GRIA1: variants seen among roughly 807,000 people sequenced by gnomAD.
GRIA1 encodes the protein glutamate ionotropic receptor AMPA type subunit 1.
In GRIA1, 31 loss-of-function variants were observed where a neutral mutation model predicts 99.2. The observed-to-expected ratio is 0.31, with a 90% confidence interval of 0.23 to 0.42. The LOEUF (loss-of-function observed/expected upper bound fraction) is 0.42. GRIA1 is among the 10% of genes least tolerant of loss of function. GRIA1 has a pLI of 1.00. For missense variants in GRIA1, 782 were observed against 1,157.5 expected, an observed-to-expected ratio of 0.68 and a Z score of 4.71; for synonymous variants, 438 against 432.4, an observed-to-expected ratio of 1.01 and a Z score of -0.16.
intron 2 of GRIA1, among the ~76,000 whole-genome samples, chr5:153,499,194 A>G (rs1754724604): frequency 6.6e-6 from 1 of 152,168 alleles, no homozygotes; most frequent in Non-Finnish European, 1.5e-5. Context: ...TCCCCATTTC[A>G]TTGATGATGG....
rs1753844086 is a variant in GRIA1, at chr5:153,490,828, G to T, written c.-61G>T. ...ACAGCGAGAAGAATAAAGGGAAAGGGGGGGAAACACCAAATCTATGATTGG... is the reference window on the plus strand; with the variant it reads ...ACAGCGAGAAGAATAAAGGGAAAGGTGGGGAAACACCAAATCTATGATTGG... On this transcript the variant is annotated 5_prime_UTR_variant, in exon 1 of 16. Coordinates refer to ENST00000285900, the MANE Select transcript of GRIA1 (RefSeq NM_000827.4). 1.2e-5 allele frequency: 14 copies of T among 1,191,560 alleles called. No homozygotes were observed. Among genetic ancestry groups the T allele is most frequent in the Non-Finnish European group, 1.8e-5 (14 of 794,114 alleles). The allele number at this position is 1,191,560 out of a possible 1,614,324, so 73.8% of individuals were successfully genotyped here.
At position 153,698,090 on chromosome 5, in the gene GRIA1, A is replaced by G. The variant is rs771075128; in HGVS notation, c.1181A>G (p.Asp394Gly). ...GATAAGTTTGTCCCTGCAGCCACCGATGCCCAAGCTGGGGGCGATAATTCA... is the reference window on the plus strand; with the variant it reads ...GATAAGTTTGTCCCTGCAGCCACCGGTGCCCAAGCTGGGGGCGATAATTCA... ...EDDKFVPAAT[D>G]AQAGGDNSSV... is the part of the protein sequence containing the mutation. Residue 394 changes from aspartate to glycine, a missense_variant, in exon 9 of 16, where the codon GAT becomes GGT. Transcript: ENST00000285900. 6.2e-7 allele frequency: 1 copy of G among 1,612,162 alleles called. No homozygotes were observed. The highest frequency in any genetic ancestry group is 8.5e-7 in the Non-Finnish European group (1 of 1,178,224).
intron 7 of GRIA1, among the ~76,000 whole-genome samples, chr5:153,682,143 A>C (rs140929627): frequency 1.3e-3 from 201 of 152,210 alleles, no homozygotes; most frequent in African/African-American, 4.2e-3. Flanking sequence ...AGGAAAGTGA[A>C]GCTTAGGAGG....
chr5:153,494,336 C>G, intron 2 of GRIA1: 1 of 410,226 alleles, frequency 2.4e-6, no homozygotes, highest in Non-Finnish European at 4.4e-6. Flanking sequence ...TGCATCTTCC[C>G]TACCTTGCAG....
chr5:153,775,481 G>T (rs548843388), intron 13 of GRIA1, among the ~76,000 whole-genome samples: 1 of 152,336 alleles, frequency 6.6e-6, no homozygotes, highest in South Asian at 2.1e-4. Context: ...TATGGGCCAA[G>T]GGGGCAGGAG....
chr5:153,624,000 T>C (rs1180198277), intron 2 of GRIA1, among the ~76,000 whole-genome samples: 1 of 152,192 alleles, frequency 6.6e-6, no homozygotes, highest in African/African-American at 2.4e-5. Flanking sequence ...TAACTGCTCC[T>C]ATGACTCAAA....
At position 153,782,797 on chromosome 5, in the gene GRIA1, G is replaced by T. The variant is rs546585677; in HGVS notation, c.2271-11824G>T. On this transcript the variant is annotated intron_variant, in intron 13 of 15. Coordinates refer to ENST00000285900, the MANE Select transcript of GRIA1 (RefSeq NM_000827.4). ...GGAAGACGGGGAGGAAGGTATTTCA[G>T]GAAAAGCCACCGCAAGCATACCATA... Among the ~76,000 whole-genome samples, 10 of 152,230 alleles carry T rather than the reference G, an allele frequency of 6.6e-5. No homozygotes were observed. In the South Asian group the frequency reaches 1.2e-3, roughly 19 times the overall value.
chr5:153,796,230 G>C (rs1301411050), intron 14 of GRIA1, among the ~76,000 whole-genome samples: 1 of 152,042 alleles, frequency 6.6e-6, no homozygotes, highest in Non-Finnish European at 1.5e-5. Flanking sequence ...CCAGGCTTTA[G>C]AGTTGAAAGA....
intron 2 of GRIA1, among the ~76,000 whole-genome samples, chr5:153,591,717 T>C (rs1484900648): frequency 1.3e-5 from 2 of 152,182 alleles, no homozygotes; most frequent in East Asian, 1.9e-4. Context: ...CATACTGTTA[T>C]TTAAGAAGCA....
intron 12 of GRIA1, among the ~76,000 whole-genome samples, chr5:153,766,695 G>C (rs937816769): frequency 1.3e-5 from 2 of 152,158 alleles, no homozygotes; most frequent in African/African-American, 4.8e-5. Flanking sequence ...TTTTTAAAAA[G>C]ATCACTCAGG....
chr5:153,733,935 A>G (rs1761211214), intron 11 of GRIA1, among the ~76,000 whole-genome samples: 1 of 152,194 alleles, frequency 6.6e-6, no homozygotes, highest in Admixed American at 6.5e-5. Context: ...CCCACTTTCA[A>G]CAATGGATAA....
At chr5:153,603,423 C>G (rs1217706245) in intron 2 of GRIA1, among the ~76,000 whole-genome samples, 1 of 151,952 alleles carries the variant, frequency 6.6e-6, no homozygotes, top group Non-Finnish European at 1.5e-5. Flanking sequence ...ATTTATAGCC[C>G]TTTGGCTATA....
In GRIA1 at chr5:153,748,857, A is replaced by C. The variant is rs866695214; in HGVS notation, c.1824-15577A>C. Among the ~76,000 whole-genome samples, 23 of 152,308 alleles carry C rather than the reference A, an allele frequency of 1.5e-4. 1 individual carries two copies. In the South Asian group the frequency reaches 4.8e-3, roughly 32 times the overall value. On this transcript the variant is annotated intron_variant, in intron 11 of 15. Transcript: ENST00000285900. ...GGGTTCATTGAGAATTTTGAATTGG[A>C]TACTTCAGGTCTAAGGTACCAAGTA... is the stretch of plus-strand genomic sequence containing the variant.
chr5:153,517,710 C>CA (rs972657862), intron 2 of GRIA1, among the ~76,000 whole-genome samples: 5 of 151,668 alleles, frequency 3.3e-5, no homozygotes, highest in East Asian at 1.9e-4. Context: ...ACACTTTTTT[C>CA]AAAAAAAATC....
intron 2 of GRIA1, chr5:153,525,223 C>T (rs565857540): frequency 7.9e-5 from 12 of 152,308 alleles, no homozygotes; most frequent in African/African-American, 2.9e-4. Context: ...TGCCCCTTTC[C>T]CTTCCTGGGG....
chr5:153,738,769 C>A (rs1761569393), intron 11 of GRIA1, among the ~76,000 whole-genome samples: 1 of 137,482 alleles, frequency 7.3e-6, no homozygotes, highest in African/African-American at 2.8e-5. Context: ...GTTGCCCAGG[C>A]TGAAATGCAA....
intron 2 of GRIA1, among the ~76,000 whole-genome samples, chr5:153,607,897 A>G (rs1026967767): frequency 6.6e-6 from 1 of 152,038 alleles, no homozygotes; most frequent in South Asian, 2.1e-4. Context: ...CAAAGTTTCC[A>G]TCTGGAATAA....
chr5:153,607,970 T>A (rs964881447), intron 2 of GRIA1, among the ~76,000 whole-genome samples: 1 of 152,042 alleles, frequency 6.6e-6, no homozygotes, highest in African/African-American at 2.4e-5. Flanking sequence ...TTGTTGACAA[T>A]TTTTTTTCTT....
intron 1 of GRIA1, among the ~76,000 whole-genome samples, chr5:153,493,153 T>A (rs1754083019): frequency 1.3e-5 from 2 of 152,226 alleles, no homozygotes; most frequent in African/African-American, 4.8e-5. Flanking sequence ...TACCTTTTAC[T>A]AGAATAGAAT....
Sources: gnomAD v4.1 joint callset for allele counts (sites outside exome capture counted in the v4.1 genomes callset) on GRCh38, gnomAD v4.1.1 for gene constraint, MANE v1.5 for transcripts, NCBI Gene and HGNC (gene_info 2026-07-23, HGNC 2026-07-21) for gene names.